Variants in ATP10D observed in about 807,000 individuals in gnomAD.
ATP10D encodes the protein ATPase phospholipid transporting 10D (putative).
Under a neutral mutation model 144.8 loss-of-function variants are expected in ATP10D, and 89 were observed. The ratio of observed to expected loss-of-function variants is 0.61; its 90% CI spans 0.52 to 0.73. The LOEUF is 0.73. ATP10D is among the 30% of genes least tolerant of loss of function. ATP10D has a pLI of 0.00. For synonymous variants in ATP10D, 571 were observed against 615.1 expected (o/e 0.93, Z 1.06); for missense variants, 1,603 against 1,714.8 (o/e 0.93, Z 1.15).
At chr4:47,577,300 G>T (rs1053752629) in intron 19 of ATP10D, among the ~76,000 whole-genome samples, 1 of 152,180 alleles carries the variant, frequency 6.6e-6, no homozygotes, top group Non-Finnish European at 1.5e-5. Context: ...ATGAAAACAC[G>T]TTGAGACAGA....
At position 47,591,506 on chromosome 4, in the gene ATP10D, A is replaced by C. The variant is rs1721047919; in HGVS notation, c.*125A>C. 1.3e-6 allele frequency: 1 copy of C among 746,182 alleles called. No individual in the cohort carries two copies. The highest frequency in any genetic ancestry group is 1.8e-5 in the African/African-American group (1 of 56,442). The allele number at this position is 746,182 out of a possible 1,614,324, so 46.2% of individuals were successfully genotyped here. On this transcript the variant is annotated 3_prime_UTR_variant, in exon 23 of 23. Transcript: ENST00000273859. ...ATGAGCATTTTACTAGGCTTGGAAG[A>C]GCTGACATGATGAGCATTATTGTAT...
At chr4:47,570,117 T>C (rs568113537) in intron 16 of ATP10D, among the ~76,000 whole-genome samples, 13 of 152,228 alleles carry the variant, frequency 8.5e-5, no homozygotes, top group African/African-American at 3.1e-4. Context: ...ATTGTTGGAC[T>C]GCAAAGACAT....
In ATP10D at chr4:47,572,957, G is replaced by A. The variant is rs1720042098; in HGVS notation, c.3326G>A (p.Arg1109Gln). 1.9e-6 allele frequency: 3 copies of A among 1,613,958 alleles called. No individual in the cohort carries two copies. Among genetic ancestry groups the A allele is most frequent in the Non-Finnish European group, 2.5e-6 (3 of 1,179,958 alleles). Residue 1109 changes from arginine to glutamine, a missense_variant, in exon 18 of 23, where the codon CGG becomes CAG. By Grantham distance (43) the Arg-to-Gln change is conservative. Transcript: ENST00000273859. ...LLVHGHWCYT[R>Q]LSNMILYFFY... ...GTCCATGGACACTGGTGTTATACAC[G>A]GCTTTCCAACATGATTCTCTATTTT...
At chr4:47,571,056 T>A (rs1288830297) in intron 16 of ATP10D, among the ~76,000 whole-genome samples, 1 of 151,908 alleles carries the variant, frequency 6.6e-6, no homozygotes, top group African/African-American at 2.4e-5. Context: ...TGGGTTTCCA[T>A]CCTATCCTAT....
At chr4:47,528,402 C>T (rs950026151) in intron 5 of ATP10D, among the ~76,000 whole-genome samples, 3 of 150,832 alleles carry the variant, frequency 2.0e-5, no homozygotes, top group Admixed American at 6.6e-5. Flanking sequence ...AAGCTCCATC[C>T]ATGTTGCTGC....
intron 15 of ATP10D, among the ~76,000 whole-genome samples, chr4:47,564,258 A>G (rs1162530735): frequency 1.3e-5 from 2 of 152,080 alleles, no homozygotes; most frequent in African/African-American, 4.8e-5. Flanking sequence ...AAGGATGTCT[A>G]TTCTTCTAAA....
In ATP10D at chr4:47,592,623, G is replaced by A. The variant is rs1721097849; in HGVS notation, c.*1242G>A. The A allele has an allele frequency of 6.6e-6, 1 of 152,450 alleles. No homozygotes were observed. Among genetic ancestry groups the A allele is most frequent in the Non-Finnish European group, 1.5e-5 (1 of 67,978 alleles). The allele number at this position is 152,450 out of a possible 1,614,324, so 9.4% of individuals were successfully genotyped here. A position where few individuals can be genotyped will look rare whatever the true frequency, so the allele number is the denominator to read the frequency against. ...AAAGTTGTCAGCCACCAGTCATCCAGAATTTCCTTCCTGAATCTCCATGCT... is the reference window on the plus strand; with the variant it reads ...AAAGTTGTCAGCCACCAGTCATCCAAAATTTCCTTCCTGAATCTCCATGCT... On this transcript the variant is annotated 3_prime_UTR_variant, in exon 23 of 23. Coordinates refer to ENST00000273859, the MANE Select transcript of ATP10D (RefSeq NM_020453.4).
Position 47,546,855 on chromosome 4 carries a change from G to T in ATP10D, c.1628G>T (p.Ser543Ile). The T allele has an allele frequency of 6.2e-7, 1 of 1,612,084 alleles. No homozygotes were observed. Among genetic ancestry groups the T allele is most frequent in the Admixed American group, 1.7e-5 (1 of 60,010 alleles). The change falls in exon 10 of 23, where the codon AGC becomes ATC. Residue 543 changes from serine (S) to isoleucine (I), a missense_variant. Coordinates refer to ENST00000273859, the MANE Select transcript of ATP10D (RefSeq NM_020453.4). ...VPHSRQAAFS[S>I]PIETDVVPDT... ...CATTCCAGACAGGCTGCTTTCAGTA[G>T]CCCCATTGTAAGTATGAATGCATGA...
chr4:47,541,392 A>G (rs1014239141), intron 9 of ATP10D, among the ~76,000 whole-genome samples: 1 of 152,160 alleles, frequency 6.6e-6, no homozygotes, highest in African/African-American at 2.4e-5. Context: ...GGCAGTCAGT[A>G]TTGGAGGTGG....
At chr4:47,564,333 T>TG (rs970977708) in intron 15 of ATP10D, among the ~76,000 whole-genome samples, 10 of 150,092 alleles carry the variant, frequency 6.7e-5, no homozygotes, top group African/African-American at 2.5e-4. Flanking sequence ...AGAAGAAAGT[T>TG]TTTTTTTTTT....
intron 3 of ATP10D, among the ~76,000 whole-genome samples, chr4:47,518,359 A>T (rs1464371144): frequency 6.6e-6 from 1 of 152,202 alleles, no homozygotes. Flanking sequence ...AGTTAGAATA[A>T]GCTATTATAG....
chr4:47,568,592 T>C (rs16860382), intron 15 of ATP10D, among the ~76,000 whole-genome samples: 4,429 of 152,280 alleles, frequency 0.029, 210 homozygotes, highest in African/African-American at 0.1. Flanking sequence ...ATTGCACACA[T>C]GAAGAAATTT....
At chr4:47,585,470 C>T (rs1400740512) in intron 21 of ATP10D, among the ~76,000 whole-genome samples, 1 of 152,142 alleles carries the variant, frequency 6.6e-6, no homozygotes, top group African/African-American at 2.4e-5. Context: ...TCCATCCCTT[C>T]AAGCATTTAT....
At chr4:47,538,762 C>T (rs1206773036) in intron 9 of ATP10D, among the ~76,000 whole-genome samples, 3 of 152,210 alleles carry the variant, frequency 2.0e-5, no homozygotes, top group African/African-American at 4.8e-5. Context: ...CCCAACTATT[C>T]GCAGCTCCAA....
chr4:47,583,940 C>G (rs1424531729), intron 21 of ATP10D, among the ~76,000 whole-genome samples: 1 of 152,044 alleles, frequency 6.6e-6, no homozygotes, highest in East Asian at 1.9e-4. Flanking sequence ...TGCTCTTGCC[C>G]CATTGTGCTC....
At position 47,499,372 on chromosome 4, in the gene ATP10D, C is replaced by T. The variant is rs75447661; in HGVS notation, c.-37-13132C>T. Among the ~76,000 whole-genome samples the T allele has an allele frequency of 5.9e-3, 904 of 152,274 alleles. 6 individuals carry two copies. Among genetic ancestry groups the T allele is most frequent in the African/African-American group, 0.021 (853 of 41,550 alleles). ...ATCTCTAAATAGTGAAAATAGATTTCACTAAATAAATCTTGCTGAATTTTT... is the reference window on the plus strand; with the variant it reads ...ATCTCTAAATAGTGAAAATAGATTTTACTAAATAAATCTTGCTGAATTTTT... On this transcript the variant is annotated intron_variant, in intron 1 of 22. Transcript: ENST00000273859.
At chr4:47,548,370 T>C (rs1392764967) in intron 10 of ATP10D, among the ~76,000 whole-genome samples, 1 of 152,232 alleles carries the variant, frequency 6.6e-6, no homozygotes, top group African/African-American at 2.4e-5. Context: ...TATCACCTTT[T>C]TCTGAAGACC....
intron 16 of ATP10D, among the ~76,000 whole-genome samples, chr4:47,569,406 A>C (rs1719827430): frequency 6.6e-6 from 1 of 152,198 alleles, no homozygotes; most frequent in African/African-American, 2.4e-5. Flanking sequence ...CAGACCCCCA[A>C]ATCAACAAGC....
intron 18 of ATP10D, among the ~76,000 whole-genome samples, chr4:47,574,846 G>A (rs1560454054): frequency 6.6e-6 from 1 of 152,082 alleles, no homozygotes. Context: ...TGTCCCCCAG[G>A]CTGGAGTGCA....
Sources: gnomAD v4.1 joint callset for allele counts (sites outside exome capture counted in the v4.1 genomes callset) on GRCh38, gnomAD v4.1.1 for gene constraint, MANE v1.5 for transcripts, NCBI Gene and HGNC (gene_info 2026-07-23, HGNC 2026-07-21) for gene names.